ELAC2: variants seen among roughly 807,000 people sequenced by gnomAD.
ELAC2 encodes elaC ribonuclease Z 2, also known as zinc phosphodiesterase ELAC protein 2.
In ELAC2, 92 loss-of-function variants were observed where a neutral mutation model predicts 105.2. The observed-to-expected ratio is 0.87, with a 90% CI of 0.74 to 1.04. The LOEUF (loss-of-function observed/expected upper bound fraction) is 1.04. ELAC2 is among the 50% of genes least tolerant of loss of function. The pLI is 0.00. For synonymous variants in ELAC2, 468 were observed against 409.1 expected, an observed-to-expected ratio of 1.14 and a Z score of -1.74; for missense variants, 1,099 against 1,071.7, an observed-to-expected ratio of 1.03 and a Z score of -0.36.
At position 12,994,448 on chromosome 17, in the gene ELAC2, C is replaced by G; in HGVS notation, c.2085G>C (p.Glu695Asp). Residue 695 changes from glutamate (E) to aspartate (D), a missense_variant, in exon 22 of 24, where the codon GAG (glutamate) becomes GAC (aspartate). Transcript: ENST00000338034. ...ACCTGTGTGTCTTTTCCACTGCTTC[C>G]TCTTCCAAACCATCTTCCAGGGTGG... is the stretch of plus-strand genomic sequence containing the variant. ...HEATLEDGLE[E>D]EAVEKTHSTT... 6.2e-7 allele frequency: 1 copy of G among 1,614,216 alleles called. No individual in the cohort carries two copies. The highest frequency in any genetic ancestry group is 8.5e-7 in the Non-Finnish European group (1 of 1,180,046).
intron 15 of ELAC2, among the ~76,000 whole-genome samples, 169 bp from the exon 16 acceptor site, chr17:12,998,677 G>A (rs576432312): frequency 1.3e-5 from 2 of 152,330 alleles, no homozygotes; most frequent in South Asian, 2.1e-4. Flanking sequence ...AGTGGAAGGC[G>A]TTTGGGCTAC....
intron 1 of ELAC2, 113 bp from the exon 2 acceptor site, chr17:13,017,234 A>T: frequency 8.4e-7 from 1 of 1,192,032 alleles, no homozygotes; most frequent in Non-Finnish European, 1.2e-6. Flanking sequence ...AAAAAAAATT[A>T]AAAGTCCACG....
At chr17:13,017,275 G>A (rs1315061404) in intron 1 of ELAC2, 154 bp from the exon 2 acceptor site, 17 of 828,700 alleles carry the variant, frequency 2.1e-5, no homozygotes, top group Non-Finnish European at 3.4e-5. Flanking sequence ...TATGCTGGTG[G>A]GTTTTGAGCC....
rs932448326 is a variant in ELAC2 at position 12,993,554 on chromosome 17, T to C, written c.2253+133A>G. ...ACCCAGGGTGGTTCGACCTGGTTAG[T>C]GATGGGTAGATAACCTTTTCCCACG... On this transcript the variant is annotated intron_variant, in intron 23 of 23. Coordinates refer to ENST00000338034, the MANE Select transcript of ELAC2 (RefSeq NM_018127.7). 6 of 1,368,578 alleles carry C rather than the reference T, an allele frequency of 4.4e-6. No homozygotes were observed. The African/African-American group carries it at 8.6e-5, about 20-fold the overall frequency. 84.8% of individuals were successfully genotyped at this position (1,368,578 alleles called of 1,614,324 possible).
chr17:13,017,484 A>G, intron 1 of ELAC2: 2 of 987,982 alleles, frequency 2.0e-6, no homozygotes, highest in Non-Finnish European at 2.9e-6. Flanking sequence ...GGTTGGGAAA[A>G]GGACGCTCAG....
In ELAC2 at chr17:12,991,683, A is replaced by G. The variant is rs192668791; in HGVS notation, c.*1135T>C. ...CTTGCTTTAATAAACCTGCGGGGAC[A>G]TGGCCGTCAATCTCAAATGCACACC... is the stretch of plus-strand genomic sequence containing the variant. On this transcript the variant is annotated 3_prime_UTR_variant, in exon 24 of 24. Coordinates refer to ENST00000338034, the MANE Select transcript of ELAC2 (RefSeq NM_018127.7). The G allele has an allele frequency of 5.5e-4, 112 of 204,928 alleles. 1 individual carries two copies. Among genetic ancestry groups the G allele is most frequent in the African/African-American group, 2.5e-3 (109 of 43,834 alleles). The allele number at this position is 204,928 out of a possible 1,614,324, so 12.7% of individuals were successfully genotyped here.
rs2040195805 is a variant in ELAC2, at chr17:12,992,043, T to TGTCTC, written c.*770_*774dup. Reference sequence around the variant, plus strand: ...GGAAGCAACAACACAGCAAATCTATTGTCTCCACTTTTACCCAGAACCACC... The same window carrying TGTCTC: ...GGAAGCAACAACACAGCAAATCTATTGTCTCGTCTCCACTTTTACCCAGAACCACC... On this transcript the variant is annotated 3_prime_UTR_variant, in exon 24 of 24. Transcript: ENST00000338034. 6.6e-6 allele frequency among the ~76,000 whole-genome samples: 1 copy of TGTCTC among 152,196 alleles called. No homozygotes were observed. The highest frequency in any genetic ancestry group is 2.1e-4 in the South Asian group (1 of 4,830).
At chr17:13,017,006 G>A (rs201123487) in intron 2 of ELAC2, 65 bp downstream of exon 2, 1 of 1,611,464 alleles carries the variant, frequency 6.2e-7, no homozygotes, top group South Asian at 1.1e-5. Flanking sequence ...AAAACAACTG[G>A]CCTCTCATTT....
chr17:13,002,971 C>A (rs976893612), intron 12 of ELAC2, among the ~76,000 whole-genome samples: 2 of 152,136 alleles, frequency 1.3e-5, no homozygotes, highest in Admixed American at 6.5e-5. Flanking sequence ...ACCCCGCACC[C>A]GAGCTCAACT....
At chr17:13,005,356 G>A (rs2143623443) in intron 10 of ELAC2, among the ~76,000 whole-genome samples, 1 of 152,290 alleles carries the variant, frequency 6.6e-6, no homozygotes, top group East Asian at 1.9e-4. Context: ...GTTTTCTTCA[G>A]TCTGTGGCCA....
At chr17:13,013,175 C>G in intron 6 of ELAC2, 32 bp downstream of exon 6, 1 of 1,610,784 alleles carries the variant, frequency 6.2e-7, no homozygotes, top group South Asian at 1.1e-5. Flanking sequence ...GACGTACACC[C>G]TCCTCCTGGG....
rs2041620355 is a variant in ELAC2 at position 13,014,592 on chromosome 17, TAAAAC to T, written c.433-101_433-97del. ...AAAAGGTTACCAATAGGTATCAACA[TAAAAC>T]AAAGCTTAGTAAATATTTTGAACAT... On this transcript the variant is annotated intron_variant, in intron 4 of 23. Coordinates refer to ENST00000338034, the MANE Select transcript of ELAC2 (RefSeq NM_018127.7). 3.4e-6 allele frequency: 3 copies of T among 891,850 alleles called. No individual in the cohort carries two copies. In the East Asian group the frequency reaches 7.2e-5, roughly 21 times the overall value. The allele number at this position is 891,850 out of a possible 1,614,324, so 55.2% of individuals were successfully genotyped here. A position where few individuals can be genotyped will look rare whatever the true frequency, so the allele number is the denominator to read the frequency against.
At chr17:12,993,389 C>G (rs531534252) in intron 23 of ELAC2, among the ~76,000 whole-genome samples, 2 of 152,334 alleles carry the variant, frequency 1.3e-5, no homozygotes, top group South Asian at 4.1e-4. Flanking sequence ...AAGAGGCAAC[C>G]ACCTGTCTCA....
intron 22 of ELAC2, 36 bp downstream of exon 22, chr17:12,994,389 G>A (rs1388621144): frequency 1.2e-6 from 2 of 1,610,412 alleles, no homozygotes; most frequent in African/African-American, 1.3e-5. Flanking sequence ...GGGAGGGAGA[G>A]GATGTGGGCG....
chr17:13,012,175 A>C (rs1438785760), intron 6 of ELAC2, among the ~76,000 whole-genome samples: 1 of 152,238 alleles, frequency 6.6e-6, no homozygotes, highest in Non-Finnish European at 1.5e-5. Flanking sequence ...CGCTGCTCTA[A>C]GAAGCTAAAG....
In ELAC2 at chr17:12,998,792, G is replaced by T. The variant is rs80003444; in HGVS notation, c.1424-284C>A. The stretch of plus-strand genomic sequence containing the variant: ...ATGGATTTGTTCCCAGGAGAGGGGG[G>T]TTGTTATAAAGCCAGAGTGCAGCTC... On this transcript the variant is annotated intron_variant, in intron 15 of 23. Transcript: ENST00000338034. 0.1 allele frequency among the ~76,000 whole-genome samples: 15,675 copies of T among 152,088 alleles called. 1,047 individuals carry two copies. The highest frequency in any genetic ancestry group is 0.14 in the Non-Finnish European group (9,274 of 67,976).
At position 12,994,814 on chromosome 17, in the gene ELAC2, T is replaced by A. The variant is rs2040386026; in HGVS notation, c.1979A>T (p.Lys660Ile). The change falls in exon 21 of 24, where the codon AAA becomes ATA. Residue 660 changes from lysine (K) to isoleucine (I), a missense_variant. By Grantham distance (102) the Lys-to-Ile change is moderately radical. Transcript: ENST00000338034. ...GCALVHTSGW[K>I]VVYSGDTMPC... is the part of the protein sequence containing the mutation. ...CATGGTGTCCCCGGAATAGACCACT[T>A]TCCAGCCAGAGGTGTGCACCAGCGC... 1 of 1,614,038 alleles carries A rather than the reference T, an allele frequency of 6.2e-7. No individual in the cohort carries two copies.
Position 13,017,940 on chromosome 17 carries a change from G to A in ELAC2, c.8C>T (p.Ala3Val), listed in dbSNP as rs1273371887. ...CGCGGACCGCAGCAGCGAGCAAAGC[G>A]CCCACATGCGCCCGTCTCCACCAAA... MW[A>V]LCSLLRSAAG... Residue 3 changes from alanine to valine, a missense_variant, in exon 1 of 24, where the codon GCG becomes GTG. Ala to Val is a moderately conservative substitution (Grantham distance 64). Transcript: ENST00000338034. 3.3e-6 allele frequency: 5 copies of A among 1,536,992 alleles called. No homozygotes were observed. The Admixed American group carries it at 5.9e-5, about 18-fold the overall frequency.
chr17:12,996,518 C>T (rs1020777277), intron 17 of ELAC2, 29 bp downstream of exon 17: 4 of 1,613,292 alleles, frequency 2.5e-6, no homozygotes, highest in East Asian at 2.2e-5. Context: ...CCTCCAGGCT[C>T]CAGCTTTGTG....
Sources: gnomAD v4.1 joint callset for allele counts (sites outside exome capture counted in the v4.1 genomes callset) on GRCh38, gnomAD v4.1.1 for gene constraint, MANE v1.5 for transcripts, NCBI Gene and HGNC (gene_info 2026-07-23, HGNC 2026-07-21) for gene names.